The following B9D1 variants were observed in gnomAD, a reference collection of about 807,000 sequenced individuals.
B9D1 encodes B9 domain-containing protein 1.
A neutral mutation model predicts 26.1 loss-of-function variants in B9D1; 20 were observed. The observed-to-expected ratio is 0.77, with a 90% CI of 0.54 to 1.12. The LOEUF (loss-of-function observed/expected upper bound fraction) is 1.12. B9D1 is among the 50% of genes most tolerant of loss of function. The probability of loss-of-function intolerance (pLI) is 0.00; values close to 1 mark genes in which losing one functional copy is unlikely to be tolerated. For synonymous variants in B9D1, 105 were observed against 103.1 expected (o/e 1.02, Z -0.11); for missense variants, 260 against 273.7 (o/e 0.95, Z 0.35).
chr17:19,347,482 C>G lies in B9D1; in HGVS notation c.342-151G>C. ...GAATCCAACCTGTGCTAACTGAGCACCCCCTGTGTCTGGGCAAGGTGCTGA... is the reference window on the plus strand; with the variant it reads ...GAATCCAACCTGTGCTAACTGAGCAGCCCCTGTGTCTGGGCAAGGTGCTGA... On this transcript the variant is annotated intron_variant, in intron 4 of 6. Transcript: ENST00000261499. This position sits in a 1 kb window ranked among gnomAD's most constrained non-coding sequence, Gnocchi z 4.3. 2 of 976,670 alleles carry G rather than the reference C, an allele frequency of 2.0e-6. No individual in the cohort carries two copies. Among genetic ancestry groups the G allele is most frequent in the South Asian group, 2.8e-5 (2 of 72,384 alleles). 60.5% of individuals were successfully genotyped at this position (976,670 alleles called of 1,614,324 possible).
chr17:19,337,600 T>C (rs1197724851), downstream of B9D1: 8 of 924,198 alleles, frequency 8.7e-6, no homozygotes, highest in Admixed American at 2.0e-5. Context: ...AAGAAGGGTG[T>C]GTGGGATGCT....
rs564099434 is a variant in B9D1, at chr17:19,370,718, G to T, written c.-298+7141C>A. Reference sequence around the variant, plus strand: ...GAGAGGTGTCTGGAGCCATCTGGCCGTGAGGTCAGCCACCCAGCCAGGCCT... The same window carrying T: ...GAGAGGTGTCTGGAGCCATCTGGCCTTGAGGTCAGCCACCCAGCCAGGCCT... On this transcript the variant is annotated intron_variant, in intron 1 of 5. Transcript: ENST00000477478. This position sits in a 1 kb window ranked among gnomAD's most constrained non-coding sequence, Gnocchi z 5.1. Among the ~76,000 whole-genome samples, 1 of 152,316 alleles carries T rather than the reference G, an allele frequency of 6.6e-6. No homozygotes were observed. Among genetic ancestry groups the T allele is most frequent in the Non-Finnish European group, 1.5e-5 (1 of 68,026 alleles).
chr17:19,351,090 C>T (rs185893693), intron 3 of B9D1, among the ~76,000 whole-genome samples: 102 of 152,230 alleles, frequency 6.7e-4, no homozygotes, highest in African/African-American at 2.4e-3. Flanking sequence ...CTGCCTGCCT[C>T]GGCCTCCCAA....
intron 1 of B9D1, among the ~76,000 whole-genome samples, chr17:19,373,165 G>A (rs1334072679): frequency 1.3e-5 from 2 of 152,202 alleles, no homozygotes; most frequent in African/African-American, 2.4e-5. Context: ...GCCCACTGCC[G>A]TGATGGATGT....
chr17:19,349,526 T>C (rs940803556), intron 3 of B9D1, among the ~76,000 whole-genome samples: 11 of 151,848 alleles, frequency 7.2e-5, no homozygotes, highest in African/African-American at 2.2e-4. Flanking sequence ...GCTGGGACTA[T>C]AGGCGTGTGC....
chr17:19,362,464 G>T (rs1303659859), intron 1 of B9D1, 43 bp downstream of exon 1: 1 of 1,481,622 alleles, frequency 6.7e-7, no homozygotes, highest in South Asian at 1.3e-5. Context: ...GGGCCCCGGG[G>T]GACGCTGGGG....
In B9D1 at chr17:19,347,095, G is replaced by C; in HGVS notation, c.404+174C>G. On this transcript the variant is annotated intron_variant, in intron 5 of 6. Coordinates refer to ENST00000261499, the MANE Select transcript of B9D1 (RefSeq NM_015681.6). The surrounding 1 kb of genome is among the most constrained non-coding windows in gnomAD (Gnocchi z 4.3). ...CCCGGCCTTCTGCTGCTGGAACAGG[G>C]CTGAAGGGAGCCCCGTGACTCAGCA... 6.4e-7 allele frequency: 1 copy of C among 1,561,398 alleles called. No homozygotes were observed. Among genetic ancestry groups the C allele is most frequent in the African/African-American group, 1.4e-5 (1 of 73,564 alleles).
chr17:19,344,645 GAC>G (rs1908507896), intron 5 of B9D1: 1 of 171,402 alleles, frequency 5.8e-6, no homozygotes, highest in African/African-American at 2.4e-5. Flanking sequence ...TCCCCCCACG[GAC>G]ACACCCGGCC....
At chr17:19,362,373 C>A in intron 1 of B9D1, 134 bp downstream of exon 1, 1 of 656,860 alleles carries the variant, frequency 1.5e-6, no homozygotes, top group Non-Finnish European at 2.5e-6. Flanking sequence ...ATGCTGGCTC[C>A]CCTCCCCCGC....
upstream of B9D1, chr17:19,362,878 T>C: frequency 3.8e-6 from 2 of 532,136 alleles, no homozygotes; most frequent in South Asian, 3.7e-5. Flanking sequence ...CTCGACTCAG[T>C]TGCACGCGCA....
chr17:19,365,155 A>G (rs1430525161), upstream of B9D1, among the ~76,000 whole-genome samples: 1 of 152,246 alleles, frequency 6.6e-6, no homozygotes, highest in African/African-American at 2.4e-5. This position sits in a 1 kb window ranked among gnomAD's most constrained non-coding sequence, Gnocchi z 5.0. Context: ...CTGGTGAGCG[A>G]CGGAGGCCTT....
intron 1 of B9D1, among the ~76,000 whole-genome samples, chr17:19,376,611 C>G (rs1912120865): frequency 8.9e-6 from 1 of 112,510 alleles, no homozygotes; most frequent in African/African-American, 3.6e-5. Flanking sequence ...GAAACCCCAT[C>G]TCTACTAAAA....
chr17:19,335,541 G>C (rs541492630), downstream of B9D1: 5 of 1,482,828 alleles, frequency 3.4e-6, no homozygotes, highest in African/African-American at 7.0e-5. Context: ...GGAAATGGCA[G>C]TTGTCCCGAG....
chr17:19,345,447 C>T (rs994326427), intron 5 of B9D1, among the ~76,000 whole-genome samples: 5 of 152,128 alleles, frequency 3.3e-5, no homozygotes, highest in African/African-American at 1.2e-4. Context: ...AAACCGTGCA[C>T]GTGACCTTAT....
downstream of B9D1, chr17:19,335,356 G>T: frequency 6.5e-7 from 1 of 1,534,924 alleles, no homozygotes; most frequent in South Asian, 1.2e-5. Context: ...TCTAATGTAT[G>T]AATGTGACTC....
At chr17:19,341,485 G>A (rs573960374), downstream of B9D1, among the ~76,000 whole-genome samples, 13 of 152,228 alleles carry the variant, frequency 8.5e-5, no homozygotes, top group Non-Finnish European at 1.3e-4. Flanking sequence ...AGACCCTTGA[G>A]AGCACTGTAT....
chr17:19,357,938 C>G lies in B9D1; in HGVS notation c.146G>C (p.Gly49Ala). 2.5e-6 allele frequency: 4 copies of G among 1,613,688 alleles called. No individual in the cohort carries two copies. The highest frequency in any genetic ancestry group is 3.4e-6 in the Non-Finnish European group (4 of 1,179,632). The change falls in exon 3 of 7, where the codon GGG becomes GCG. Residue 49 changes from glycine to alanine, a missense_variant. Gly to Ala is a moderately conservative substitution (Grantham distance 60, BLOSUM62 0). Coordinates refer to ENST00000261499, the MANE Select transcript of B9D1 (RefSeq NM_015681.6). ...GCTCTTGGATGTGATCTGTGAGATCCCCTCCTCCAGACCCTGTGAGGACAG... is the reference window on the plus strand; with the variant it reads ...GCTCTTGGATGTGATCTGTGAGATCGCCTCCTCCAGACCCTGTGAGGACAG... The part of the protein sequence containing the change: ...DWAPTAGLEE[G>A]ISQITSKSQD...
rs1032666024 is a variant in B9D1, at chr17:19,347,356, G to C, written c.342-25C>G. ...CCTGAAACAAATGTTTTTGCAGACAGAGATGCTGAGTAAGAGACCTTTCTG... is the reference window on the plus strand; with the variant it reads ...CCTGAAACAAATGTTTTTGCAGACACAGATGCTGAGTAAGAGACCTTTCTG... On this transcript the variant is annotated intron_variant, in intron 4 of 6. Transcript: ENST00000261499. The surrounding 1 kb of genome is among the most constrained non-coding windows in gnomAD (Gnocchi z 4.3). 5.0e-6 allele frequency: 8 copies of C among 1,613,590 alleles called. No homozygotes were observed. Among genetic ancestry groups the C allele is most frequent in the South Asian group, 1.1e-5 (1 of 91,070 alleles).
chr17:19,335,257 A>C (rs8068626), downstream of B9D1: 9,530 of 718,310 alleles, frequency 0.013, 638 homozygotes, highest in African/African-American at 0.15. Flanking sequence ...TGAATTACTA[A>C]ACTGATTGAC....
Sources: allele counts gnomAD v4.1 joint callset (sites outside exome capture counted in the v4.1 genomes callset), GRCh38; gene constraint gnomAD v4.1.1; non-coding constraint Gnocchi (gnomAD v3.1); transcripts MANE v1.5; gene names NCBI Gene and HGNC (gene_info 2026-07-23, HGNC 2026-07-21).